The following SVEP1 variants were observed in gnomAD, a reference collection of about 807,000 sequenced individuals.
The protein encoded by SVEP1 is sushi, von Willebrand factor type A, EGF and pentraxin domain containing 1.
SVEP1 carries 164 observed loss-of-function variants against 367.3 expected under a neutral mutation model. The ratio of observed to expected loss-of-function variants is 0.45; its 90% confidence interval spans 0.39 to 0.51. The LOEUF is 0.51. Ranked by LOEUF, SVEP1 falls within the 20% of genes least tolerant of loss-of-function variation. The probability of loss-of-function intolerance (pLI) is 0.00; values close to 1 mark genes in which losing one functional copy is unlikely to be tolerated. For synonymous variants in SVEP1, 1,666 were observed against 1,611.6 expected (o/e 1.03, Z -0.81); for missense variants, 4,117 against 4,425.3 (o/e 0.93, Z 1.98).
intron 1 of SVEP1, among the ~76,000 whole-genome samples, chr9:110,556,699 G>A (rs1460462647): frequency 6.6e-6 from 1 of 152,066 alleles, no homozygotes; most frequent in African/African-American, 2.4e-5. Flanking sequence ...ATGTTGCTCA[G>A]GCTGGTCTTG....
intron 8 of SVEP1, among the ~76,000 whole-genome samples, chr9:110,492,453 T>G (rs1160470293): frequency 2.0e-5 from 3 of 152,122 alleles, no homozygotes; most frequent in Non-Finnish European, 4.4e-5. Flanking sequence ...TTATTTTTTT[T>G]GCCACAGATA....
intron 36 of SVEP1, among the ~76,000 whole-genome samples, chr9:110,415,024 G>A (rs1289090621): frequency 1.3e-5 from 2 of 151,992 alleles, no homozygotes; most frequent in Non-Finnish European, 2.9e-5. Context: ...AAAGGAAAAT[G>A]AGAAACAAAT....
chr9:110,432,934 T>C (rs570094886), intron 30 of SVEP1, among the ~76,000 whole-genome samples: 2 of 152,316 alleles, frequency 1.3e-5, no homozygotes, highest in East Asian at 3.9e-4. Flanking sequence ...ATGTTGGAAT[T>C]GGGGTCTTGT....
intron 46 of SVEP1, among the ~76,000 whole-genome samples, chr9:110,372,532 A>T (rs7039275): frequency 0.08 from 12,170 of 152,278 alleles, 963 homozygotes; most frequent in African/African-American, 0.21. Flanking sequence ...CAAATAAATC[A>T]GATCTATTTA....
intron 8 of SVEP1, among the ~76,000 whole-genome samples, chr9:110,495,238 G>T (rs758434082): frequency 6.6e-6 from 1 of 151,790 alleles, no homozygotes; most frequent in African/African-American, 2.4e-5. Context: ...CTGAATAACG[G>T]CCCCCCCAAA....
At chr9:110,501,405 C>T (rs2118750931) in intron 6 of SVEP1, among the ~76,000 whole-genome samples, 1 of 52,272 alleles carries the variant, frequency 1.9e-5, no homozygotes, top group South Asian at 6.4e-4. Context: ...GAAAAGCTGT[C>T]TATTTTTCTT....
chr9:110,568,110 C>T (rs577510270), intron 1 of SVEP1, among the ~76,000 whole-genome samples: 2 of 152,230 alleles, frequency 1.3e-5, no homozygotes, highest in East Asian at 3.9e-4. Flanking sequence ...TCTCATTTCC[C>T]CACTCTCACA....
At chr9:110,502,714 C>A (rs924895993) in intron 6 of SVEP1, among the ~76,000 whole-genome samples, 2 of 152,008 alleles carry the variant, frequency 1.3e-5, no homozygotes, top group South Asian at 2.1e-4. Context: ...TTTAACAAAG[C>A]AAGGGTATTA....
chr9:110,462,867 T>C (rs1032813791), intron 18 of SVEP1, among the ~76,000 whole-genome samples: 2 of 152,028 alleles, frequency 1.3e-5, no homozygotes, highest in Non-Finnish European at 2.9e-5. Flanking sequence ...CATATAGACC[T>C]GGAGCCAAGT....
intron 27 of SVEP1, among the ~76,000 whole-genome samples, chr9:110,437,987 A>C (rs1828456173): frequency 6.6e-6 from 1 of 152,048 alleles, no homozygotes; most frequent in Non-Finnish European, 1.5e-5. Flanking sequence ...CTTACCTAGA[A>C]ATAATTATTT....
intron 30 of SVEP1, 38 bp downstream of exon 30, chr9:110,434,298 C>A: frequency 6.4e-7 from 1 of 1,566,248 alleles, no homozygotes; most frequent in South Asian, 1.2e-5. Context: ...CAATATTTTT[C>A]AAAAGTCACT....
At chr9:110,460,351 G>A (rs1485806101) in intron 18 of SVEP1, among the ~76,000 whole-genome samples, 1 of 151,994 alleles carries the variant, frequency 6.6e-6, no homozygotes, top group Non-Finnish European at 1.5e-5. Context: ...CATTAAAAGT[G>A]TTATCACAGT....
intron 36 of SVEP1, among the ~76,000 whole-genome samples, chr9:110,416,497 GATTA>G (rs1298035196): frequency 6.6e-6 from 1 of 151,244 alleles, no homozygotes. Context: ...AAGTGTGACA[GATTA>G]ATTAACATGA....
intron 27 of SVEP1, among the ~76,000 whole-genome samples, chr9:110,442,228 T>G (rs1828520032): frequency 6.6e-6 from 1 of 152,164 alleles, no homozygotes. Flanking sequence ...TTAGTGTGAT[T>G]ATGTGATGAA....
In SVEP1 at chr9:110,429,955, C is replaced by T. The variant is rs2118549578; in HGVS notation, c.5580G>A (p.Glu1860=). Residue 1860 remains glutamate, a synonymous_variant, in exon 34 of 48, where the codon GAG becomes GAA. Coordinates refer to ENST00000374469, the MANE Select transcript of SVEP1 (RefSeq NM_153366.4). ...CTTTGCTGCCAAAAGTAAATGCTAA[C>T]TCCTCAATGCAACCATTTTCTGGAA... The part of the protein sequence containing the change: ...PAIPENGCIE[E]LAFTFGSKVT... The T allele has an allele frequency of 6.2e-7, 1 of 1,612,910 alleles. No individual in the cohort carries two copies. Among genetic ancestry groups the T allele is most frequent in the South Asian group, 1.1e-5 (1 of 91,072 alleles).
rs1473523464 is a variant in SVEP1, at chr9:110,413,314, T to G, written c.5976-1579A>C. ...GAACAAAAAACCAAACACCGCATAT[T>G]CTCACTTATAGGTGGGAATTGAACA... On this transcript the variant is annotated intron_variant, in intron 36 of 47. Transcript: ENST00000374469. Among the ~76,000 whole-genome samples the G allele has an allele frequency of 2.0e-5, 3 of 148,398 alleles. No individual in the cohort carries two copies. In the Admixed American group the frequency reaches 2.0e-4, roughly 10 times the overall value.
chr9:110,414,874 G>T (rs2118516730), intron 36 of SVEP1, among the ~76,000 whole-genome samples: 1 of 152,062 alleles, frequency 6.6e-6, no homozygotes, highest in Admixed American at 6.5e-5. Context: ...AAAGATTTTT[G>T]TCTGAACATA....
intron 1 of SVEP1, among the ~76,000 whole-genome samples, chr9:110,571,629 A>G (rs891472135): frequency 1.3e-5 from 2 of 152,192 alleles, no homozygotes; most frequent in African/African-American, 4.8e-5. Flanking sequence ...TGTTTAAGCT[A>G]GTGGTACCTC....
chr9:110,445,223 T>C (rs1281216203), intron 26 of SVEP1, among the ~76,000 whole-genome samples: 2 of 152,186 alleles, frequency 1.3e-5, no homozygotes, highest in Admixed American at 1.3e-4. Context: ...TGGCCAACGA[T>C]GGAAGTCCTG....
Sources: gnomAD v4.1 joint callset for allele counts (sites outside exome capture counted in the v4.1 genomes callset) on GRCh38, gnomAD v4.1.1 for gene constraint, MANE v1.5 for transcripts, NCBI Gene and HGNC (gene_info 2026-07-23, HGNC 2026-07-21) for gene names.